ANGPT1: variants seen among roughly 807,000 people sequenced by gnomAD.
ANGPT1 encodes angiopoietin 1.
In ANGPT1, 17 loss-of-function variants were observed where a neutral mutation model predicts 62.2. The ratio of observed to expected loss-of-function variants is 0.27; its 90% confidence interval spans 0.19 to 0.41. ANGPT1 has a LOEUF of 0.41. ANGPT1 is among the 10% of genes least tolerant of loss of function. ANGPT1 has a pLI of 1.00. For missense variants in ANGPT1, 478 were observed against 594.9 expected (o/e 0.80, Z 2.04); for synonymous variants, 199 against 198.9 (o/e 1.00, Z 0.00).
At chr8:107,461,309 T>C (rs916941008) in intron 1 of ANGPT1, among the ~76,000 whole-genome samples, 33 of 152,250 alleles carry the variant, frequency 2.2e-4, no homozygotes, top group African/African-American at 7.9e-4. Context: ...TAGTAAAAGG[T>C]ACTTATGCTA....
chr8:107,412,281 C>G (rs1423792844), intron 1 of ANGPT1, among the ~76,000 whole-genome samples: 1 of 152,096 alleles, frequency 6.6e-6, no homozygotes, highest in Non-Finnish European at 1.5e-5. Flanking sequence ...AATAGAAACA[C>G]TTTCATTAGG....
At chr8:107,329,380 G>C (rs1360883074) in intron 3 of ANGPT1, among the ~76,000 whole-genome samples, 1 of 151,966 alleles carries the variant, frequency 6.6e-6, no homozygotes, top group African/African-American at 2.4e-5. Flanking sequence ...TGTCTTACTT[G>C]TTTTTATTTA....
At chr8:107,374,012 G>C (rs1182006469) in intron 1 of ANGPT1, among the ~76,000 whole-genome samples, 2 of 152,142 alleles carry the variant, frequency 1.3e-5, no homozygotes, top group African/African-American at 4.8e-5. Flanking sequence ...TCTGAACTTA[G>C]CACCACTTCA....
At chr8:107,441,436 T>G (rs1220178517) in intron 1 of ANGPT1, among the ~76,000 whole-genome samples, 1 of 152,204 alleles carries the variant, frequency 6.6e-6, no homozygotes, top group Non-Finnish European at 1.5e-5. Context: ...TTCCTCCTTC[T>G]GAATTGCACT....
At chr8:107,406,457 T>C (rs1404992860) in intron 1 of ANGPT1, among the ~76,000 whole-genome samples, 1 of 152,022 alleles carries the variant, frequency 6.6e-6, no homozygotes, top group Admixed American at 6.6e-5. Context: ...TAATATATAC[T>C]CTAGAGTGAT....
intron 1 of ANGPT1, among the ~76,000 whole-genome samples, chr8:107,381,440 G>C (rs1296184065): frequency 6.6e-6 from 1 of 152,172 alleles, no homozygotes; most frequent in African/African-American, 2.4e-5. Context: ...CTGAACCCCT[G>C]CTTCATAGCT....
intron 3 of ANGPT1, among the ~76,000 whole-genome samples, chr8:107,325,796 TG>T (rs1268764968): frequency 6.6e-6 from 1 of 152,160 alleles, no homozygotes; most frequent in Non-Finnish European, 1.5e-5. Context: ...TTATTTTTGA[TG>T]TATTCCTTGT....
At chr8:107,429,068 C>G (rs924663924) in intron 1 of ANGPT1, among the ~76,000 whole-genome samples, 1 of 152,122 alleles carries the variant, frequency 6.6e-6, no homozygotes, top group Non-Finnish European at 1.5e-5. Flanking sequence ...AACAAACAAA[C>G]AAGCGACAAT....
At chr8:107,256,440 A>AT (rs1200841763) in intron 8 of ANGPT1, among the ~76,000 whole-genome samples, 1 of 152,176 alleles carries the variant, frequency 6.6e-6, no homozygotes, top group Non-Finnish European at 1.5e-5. Context: ...GGTTTAAAGC[A>AT]TTTTTTCAAT....
intron 7 of ANGPT1, among the ~76,000 whole-genome samples, chr8:107,268,115 C>T (rs1813656418): frequency 1.3e-5 from 2 of 152,054 alleles, no homozygotes; most frequent in South Asian, 4.1e-4. Context: ...TCTTACTCAT[C>T]TTTGAATCAT....
chr8:107,277,860 C>T (rs992829548), intron 7 of ANGPT1, among the ~76,000 whole-genome samples: 4 of 151,972 alleles, frequency 2.6e-5, no homozygotes, highest in African/African-American at 7.3e-5. Flanking sequence ...AGGTAAAAGG[C>T]GACTCAAGAG....
At chr8:107,494,223 T>C (rs1159705149) in intron 1 of ANGPT1, among the ~76,000 whole-genome samples, 1 of 152,216 alleles carries the variant, frequency 6.6e-6, no homozygotes, top group Non-Finnish European at 1.5e-5. Context: ...ATTTTAAATG[T>C]ACATCTTTGT....
At chr8:107,413,087 T>C (rs144133785) in intron 1 of ANGPT1, among the ~76,000 whole-genome samples, 1 of 152,140 alleles carries the variant, frequency 6.6e-6, no homozygotes, top group African/African-American at 2.4e-5. Flanking sequence ...TTTTCTGTCA[T>C]TTTTATTTTA....
intron 3 of ANGPT1, among the ~76,000 whole-genome samples, chr8:107,323,233 A>T (rs1815198363): frequency 6.6e-6 from 1 of 152,188 alleles, no homozygotes; most frequent in Non-Finnish European, 1.5e-5. Flanking sequence ...AAAAGCATTA[A>T]CATTTTATGG....
intron 1 of ANGPT1, among the ~76,000 whole-genome samples, chr8:107,392,544 T>C (rs1225627119): frequency 6.6e-6 from 1 of 152,198 alleles, no homozygotes; most frequent in Admixed American, 6.5e-5. Context: ...TTGCAGGCAA[T>C]TTTTGTATAT....
chr8:107,437,856 T>C (rs1179515866), intron 1 of ANGPT1, among the ~76,000 whole-genome samples: 1 of 152,092 alleles, frequency 6.6e-6, no homozygotes, highest in Non-Finnish European at 1.5e-5. Context: ...TTTAGTGAAA[T>C]TCAGTGTTTC....
At chr8:107,435,414 A>C (rs567738653) in intron 1 of ANGPT1, among the ~76,000 whole-genome samples, 320 of 152,330 alleles carry the variant, frequency 2.1e-3, no homozygotes, top group Non-Finnish European at 4.0e-3. Flanking sequence ...ATGCTTCTCA[A>C]AATGTAATGT....
intron 1 of ANGPT1, among the ~76,000 whole-genome samples, chr8:107,462,503 T>C (rs1812095137): frequency 6.6e-6 from 1 of 151,844 alleles, no homozygotes; most frequent in African/African-American, 2.4e-5. Context: ...GTTGAATGCA[T>C]AAGACCTTTA....
chr8:107,305,059 C>T lies in ANGPT1; in HGVS notation c.809-1692G>A, dbSNP rs566515534. Among the ~76,000 whole-genome samples, 59 of 152,058 alleles carry T rather than the reference C, an allele frequency of 3.9e-4. No individual in the cohort carries two copies. In the South Asian group the frequency reaches 5.2e-3, roughly 13 times the overall value. ...AAGGTATCCATTTCAAAAGCATTGA[C>T]GTAGTTTACTGGTATTCGTTTATTC... On this transcript the variant is annotated intron_variant, in intron 4 of 8. Coordinates refer to ENST00000517746, the MANE Select transcript of ANGPT1 (RefSeq NM_001146.5).
Sources: allele counts gnomAD v4.1 joint callset (sites outside exome capture counted in the v4.1 genomes callset), GRCh38; gene constraint gnomAD v4.1.1; transcripts MANE v1.5; gene names NCBI Gene and HGNC (gene_info 2026-07-23, HGNC 2026-07-21).